The following BMERB1 variants were observed in gnomAD, a reference collection of about 807,000 sequenced individuals.
BMERB1 encodes the protein bMERB domain containing 1.
BMERB1 carries 12 observed loss-of-function variants against 23.6 expected under a neutral mutation model. That is an observed-to-expected ratio of 0.51 (90% confidence interval 0.33 to 0.82). The LOEUF is 0.82. BMERB1 is among the 40% of genes least tolerant of loss of function. The pLI, the probability that BMERB1 is intolerant of heterozygous loss-of-function variation, is 0.03. For synonymous variants in BMERB1, 122 were observed against 96.6 expected (o/e 1.26, Z -1.54); for missense variants, 247 against 255.4 (o/e 0.97, Z 0.22).
chr16:15,539,554 T>A (rs1048170073), intron 2 of BMERB1, among the ~76,000 whole-genome samples: 1 of 151,814 alleles, frequency 6.6e-6, no homozygotes, highest in African/African-American at 2.4e-5. Context: ...AATTAAGAAT[T>A]TTTTTTCGGC....
intron 2 of BMERB1, among the ~76,000 whole-genome samples, chr16:15,556,691 T>G (rs929605116): frequency 7.9e-5 from 12 of 152,284 alleles, no homozygotes; most frequent in Non-Finnish European, 1.6e-4. Flanking sequence ...GTTCAAGTGA[T>G]TCTCCTGCCT....
chr16:15,479,027 G>T (rs2051297000), intron 1 of BMERB1, among the ~76,000 whole-genome samples: 1 of 152,160 alleles, frequency 6.6e-6, no homozygotes, highest in South Asian at 2.1e-4. Flanking sequence ...ATCATTGAAA[G>T]AAATACTGAG....
intron 2 of BMERB1, among the ~76,000 whole-genome samples, chr16:15,530,786 G>T (rs1032864053): frequency 1.2e-4 from 18 of 152,214 alleles, no homozygotes; most frequent in African/African-American, 4.3e-4. Context: ...TCCCCTGCTG[G>T]CATTCATTCT....
intron 3 of BMERB1, among the ~76,000 whole-genome samples, chr16:15,578,113 C>G (rs115988169): frequency 2.5e-3 from 381 of 152,322 alleles, no homozygotes; most frequent in African/African-American, 8.5e-3. Flanking sequence ...GCTACCTACT[C>G]TAACAGTAAC....
intron 5 of BMERB1, chr16:15,583,957 A>G (rs1255240691): frequency 1.4e-6 from 1 of 696,946 alleles, no homozygotes. Context: ...TGCATTTCAT[A>G]GAAAGAATTG....
chr16:15,496,003 G>GTGGTGGTGATAGTGGTGA, intron 1 of BMERB1, among the ~76,000 whole-genome samples: 1 of 152,098 alleles, frequency 6.6e-6, no homozygotes, highest in East Asian at 1.9e-4. Context: ...GATGGTGGTG[G>GTGGTGGTGATAGTGGTGA]TGGTGGTGAT....
chr16:15,461,344 A>C (rs2051133253), intron 1 of BMERB1, among the ~76,000 whole-genome samples: 1 of 152,102 alleles, frequency 6.6e-6, no homozygotes, highest in Non-Finnish European at 1.5e-5. Context: ...CTGGGACCAA[A>C]AAGCAATTCG....
chr16:15,521,272 T>G (rs1462293196), intron 2 of BMERB1, among the ~76,000 whole-genome samples: 1 of 152,186 alleles, frequency 6.6e-6, no homozygotes, highest in Non-Finnish European at 1.5e-5. Flanking sequence ...CATAAACTGT[T>G]TATTTCAGAG....
intron 3 of BMERB1, among the ~76,000 whole-genome samples, chr16:15,575,926 T>C (rs1456278757): frequency 6.6e-6 from 1 of 152,078 alleles, no homozygotes; most frequent in East Asian, 1.9e-4. Context: ...TTGTTACTTA[T>C]GTGTGGAAAG....
chr16:15,538,382 G>A, intron 2 of BMERB1, among the ~76,000 whole-genome samples: 1 of 152,110 alleles, frequency 6.6e-6, no homozygotes, highest in East Asian at 1.9e-4. Context: ...GAACCTGAGA[G>A]GCGGAGATTG....
chr16:15,517,537 G>A (rs2051777220), intron 2 of BMERB1, among the ~76,000 whole-genome samples: 1 of 151,396 alleles, frequency 6.6e-6, no homozygotes, highest in Non-Finnish European at 1.5e-5. Flanking sequence ...AAGGAAGACA[G>A]AGAACATGAG....
chr16:15,449,023 T>C (rs1350414625), intron 1 of BMERB1, among the ~76,000 whole-genome samples: 1 of 152,056 alleles, frequency 6.6e-6, no homozygotes, highest in Non-Finnish European at 1.5e-5. Context: ...ATAGGTGAGG[T>C]ATAACATTTC....
chr16:15,508,317 C>CT (rs1157626728), intron 1 of BMERB1, among the ~76,000 whole-genome samples: 1 of 152,104 alleles, frequency 6.6e-6, no homozygotes, highest in Admixed American at 6.6e-5. Context: ...GGTTGGCCAA[C>CT]TTTTTCTATA....
chr16:15,475,543 G>A (rs1441312054), intron 1 of BMERB1, among the ~76,000 whole-genome samples: 1 of 152,196 alleles, frequency 6.6e-6, no homozygotes, highest in Non-Finnish European at 1.5e-5. Flanking sequence ...ACACAGAGAT[G>A]ACAGTGGAGT....
intron 1 of BMERB1, among the ~76,000 whole-genome samples, chr16:15,436,850 C>A (rs552676831): frequency 6.6e-6 from 1 of 151,784 alleles, no homozygotes; most frequent in Admixed American, 6.6e-5. Context: ...ATTTAGTCCC[C>A]TCAACAACCT....
At chr16:15,506,699 A>G (rs2051595897) in intron 1 of BMERB1, among the ~76,000 whole-genome samples, 1 of 142,822 alleles carries the variant, frequency 7.0e-6, no homozygotes, top group East Asian at 2.0e-4. Flanking sequence ...AATTTCCCAG[A>G]AAAAAAAAAA....
chr16:15,543,450 C>T (rs896869793), intron 2 of BMERB1, among the ~76,000 whole-genome samples: 1 of 152,126 alleles, frequency 6.6e-6, no homozygotes, highest in South Asian at 2.1e-4. Flanking sequence ...CCCTGTCCTT[C>T]TGCCGCCTGT....
At chr16:15,477,849 C>T (rs1203530682) in intron 1 of BMERB1, among the ~76,000 whole-genome samples, 1 of 152,014 alleles carries the variant, frequency 6.6e-6, no homozygotes, top group African/African-American at 2.4e-5. Context: ...TCCCAGGATC[C>T]AGAGGTAGTA....
At chr16:15,539,569 C>G (rs900805667) in intron 2 of BMERB1, among the ~76,000 whole-genome samples, 4 of 151,874 alleles carry the variant, frequency 2.6e-5, no homozygotes, top group African/African-American at 9.7e-5. Flanking sequence ...TTCGGCCAGG[C>G]ATGGTAGCTC....
Sources: gnomAD v4.1 joint callset for allele counts (sites outside exome capture counted in the v4.1 genomes callset) on GRCh38, gnomAD v4.1.1 for gene constraint, MANE v1.5 for transcripts, NCBI Gene and HGNC (gene_info 2026-07-23, HGNC 2026-07-21) for gene names.